PRSS53: variants seen among roughly 807,000 people sequenced by gnomAD.
PRSS53 encodes serine protease 53, also known as EDTP308.
A neutral mutation model predicts 62.7 loss-of-function variants in PRSS53; 54 were observed. The observed-to-expected ratio is 0.86, with a 90% CI of 0.69 to 1.08. The LOEUF is 1.08. Among genes scored for constraint, PRSS53 ranks in the 50% least tolerant of loss-of-function variants. The pLI is 0.00. For synonymous variants in PRSS53, 273 were observed against 300.0 expected (o/e 0.91, Z 0.93); for missense variants, 688 against 728.3 (o/e 0.94, Z 0.64).
Position 31,086,366 on chromosome 16 carries a change from G to A in PRSS53, c.634C>T (p.Pro212Ser), listed in dbSNP as rs373007385. The change falls in exon 5 of 11, where the codon CCC (proline) becomes TCC (serine). Residue 212 changes from proline (P) to serine (S), a missense_variant. By Grantham distance (74) the Pro-to-Ser change is moderately conservative. Coordinates refer to ENST00000280606, the Ensembl canonical transcript of PRSS53. ...CAGGGGCCCTGCACCCCAGGCTGGG[G>A]GCCCCCACATAGCATCCCAGGCCGG... 4 of 1,613,374 alleles carry A rather than the reference G, an allele frequency of 2.5e-6. No homozygotes were observed. In the African/African-American group the frequency reaches 5.3e-5, roughly 22 times the overall value.
rs2057253587 is a variant in PRSS53, at chr16:31,088,118, T to C, written c.59-292A>G. ...TCCTCCAGGCTTCAGAACCCCCAACTCCTGCCCCCGCCACTGAGTCAGCCA... is the reference window on the plus strand; with the variant it reads ...TCCTCCAGGCTTCAGAACCCCCAACCCCTGCCCCCGCCACTGAGTCAGCCA... On this transcript the variant is annotated intron_variant, in intron 1 of 10. Transcript: ENST00000280606. 4 of 1,362,542 alleles carry C rather than the reference T, an allele frequency of 2.9e-6. No individual in the cohort carries two copies. In the Middle Eastern group the frequency reaches 8.5e-4, roughly 289 times the overall value. 84.4% of individuals were successfully genotyped at this position (1,362,542 alleles called of 1,614,324 possible).
At chr16:31,084,990 C>T (rs1397100502) in exon 8 of PRSS53, 1 of 1,576,896 alleles carries the variant, frequency 6.3e-7, no homozygotes. Context: ...GGTCTGGTCC[C>T]CAGCCCTACG....
At chr16:31,085,293 G>A in intron 6 of PRSS53, 33 bp from the exon 7 acceptor site, 2 of 1,505,748 alleles carry the variant, frequency 1.3e-6, no homozygotes, top group Non-Finnish European at 1.8e-6. Flanking sequence ...CTGACTTCTT[G>A]CTAAGCACTT....
At chr16:31,084,471 G>A in intron 9 of PRSS53, 87 bp downstream of exon 9, 1 of 1,520,534 alleles carries the variant, frequency 6.6e-7, no homozygotes, top group African/African-American at 1.4e-5. Flanking sequence ...TGGGTCCAGA[G>A]GCCAAGCCTG....
At chr16:31,084,283 G>A in exon 10 of PRSS53, 1 of 1,612,922 alleles carries the variant, frequency 6.2e-7, no homozygotes, top group Non-Finnish European at 8.5e-7. Flanking sequence ...GTGCAGCCCG[G>A]CCAGGAACCA....
chr16:31,087,247 G>A (rs147418248), intron 3 of PRSS53: 93 of 538,104 alleles, frequency 1.7e-4, no homozygotes, highest in African/African-American at 1.6e-3. Context: ...TCCTCCCTCC[G>A]TGGCCTCCCA....
exon 5 of PRSS53, chr16:31,086,434 C>T (rs768861705): frequency 3.1e-6 from 5 of 1,613,534 alleles, no homozygotes; most frequent in Non-Finnish European, 4.2e-6. Context: ...GTTGTAGATA[C>T]AGTTACATGT....
chr16:31,084,151 T>C, exon 10 of PRSS53: 1 of 1,593,712 alleles, frequency 6.3e-7, no homozygotes, highest in Non-Finnish European at 8.5e-7. Flanking sequence ...AGGCTCAGCC[T>C]CGGGCTCTGG....
exon 1 of PRSS53, chr16:31,088,777 G>A (rs376914265): frequency 2.4e-5 from 39 of 1,613,648 alleles, no homozygotes; most frequent in East Asian, 4.5e-5. Flanking sequence ...TGGCACCCGC[G>A]ATGAGCAGCA....
chr16:31,084,703 C>T, exon 9 of PRSS53: 1 of 1,610,198 alleles, frequency 6.2e-7, no homozygotes, highest in Admixed American at 1.7e-5. Context: ...GGAGCTGATG[C>T]CTGTGGAGCA....
chr16:31,087,590 G>A lies in PRSS53; in HGVS notation c.189C>T (p.Ser63=), dbSNP rs555498312. Residue 63 remains serine (S), a synonymous_variant, in exon 3 of 11, where the codon AGC becomes AGT. Transcript: ENST00000280606. ...CCCAGGTGTCTGCCACCAGGGAGCCGCTGCAGATGTGGGCTCCTTGCCTCC... is the reference window on the plus strand; with the variant it reads ...CCCAGGTGTCTGCCACCAGGGAGCCACTGCAGATGTGGGCTCCTTGCCTCC... 47 of 1,611,878 alleles carry A rather than the reference G, an allele frequency of 2.9e-5. No homozygotes were observed. The East Asian group carries it at 6.0e-4, about 21-fold the overall frequency.
chr16:31,085,299 C>T, intron 6 of PRSS53, 39 bp from the exon 7 acceptor site: 1 of 1,487,826 alleles, frequency 6.7e-7, no homozygotes, highest in Non-Finnish European at 8.9e-7. Flanking sequence ...TCTTGCTAAG[C>T]ACTTCCCACT....
At chr16:31,083,520 G>A in exon 11 of PRSS53, 1 of 1,368,738 alleles carries the variant, frequency 7.3e-7, no homozygotes, top group Non-Finnish European at 9.5e-7. Context: ...CAACGTGGCT[G>A]GCGTGATTGT....
intron 9 of PRSS53, 47 bp from the exon 10 acceptor site, chr16:31,084,382 G>T: frequency 6.4e-7 from 1 of 1,565,686 alleles, no homozygotes. Flanking sequence ...AGGCAGCTGT[G>T]CAGGACGGTA....
At chr16:31,083,501 T>A in exon 11 of PRSS53, 1 of 1,331,740 alleles carries the variant, frequency 7.5e-7, no homozygotes, top group Non-Finnish European at 9.6e-7. Context: ...AAAAAAGAAA[T>A]TTTCAAAACA....
At chr16:31,083,862 C>T (rs758367610) in intron 10 of PRSS53, 53 bp from the exon 11 acceptor site, 2 of 1,594,052 alleles carry the variant, frequency 1.3e-6, no homozygotes, top group East Asian at 2.2e-5. Flanking sequence ...GCTTTGGTCC[C>T]TCCCTCCCTC....
At chr16:31,083,944 G>A in intron 10 of PRSS53, 135 bp from the exon 11 acceptor site, 4 of 1,512,406 alleles carry the variant, frequency 2.6e-6, no homozygotes, top group Non-Finnish European at 3.6e-6. Flanking sequence ...CAAAGCGGTT[G>A]AGCAGCCTGC....
In PRSS53 at chr16:31,087,788, C is replaced by A. The variant is rs756587640; in HGVS notation, c.79+18G>T. ...CCAGACCCAAGTAAGACCTAGGCCC[C>A]GTGTCCCCAGACCTTACCACGCTGA... On this transcript the variant is annotated intron_variant, in intron 2 of 10. Coordinates refer to ENST00000280606, the Ensembl canonical transcript of PRSS53. The A allele has an allele frequency of 1.2e-6, 2 of 1,614,086 alleles. No homozygotes were observed. The highest frequency in any genetic ancestry group is 2.2e-5 in the South Asian group (2 of 91,082).
chr16:31,083,778 C>T, exon 11 of PRSS53: 1 of 1,614,066 alleles, frequency 6.2e-7, no homozygotes, highest in Non-Finnish European at 8.5e-7. Context: ...CTGAGAATGG[C>T]CAGGTCCCCT....
Sources: allele counts gnomAD v4.1 joint callset, GRCh38; gene constraint gnomAD v4.1.1; transcripts MANE v1.5; gene names NCBI Gene and HGNC (gene_info 2026-07-23, HGNC 2026-07-21).